The following IARS1 variants were observed in gnomAD, a reference collection of about 807,000 sequenced individuals.
The protein encoded by IARS1 is isoleucine--tRNA ligase, cytoplasmic.
In IARS1, 124 loss-of-function variants were observed where a neutral mutation model predicts 168.2. The ratio of observed to expected loss-of-function variants is 0.74; its 90% CI spans 0.64 to 0.86. The LOEUF (loss-of-function observed/expected upper bound fraction) is 0.86. IARS1 is among the 40% of genes least tolerant of loss of function. IARS1 has a pLI of 0.00. For synonymous variants in IARS1, 532 were observed against 529.4 expected, an observed-to-expected ratio of 1.00 and a Z score of -0.07; for missense variants, 1,452 against 1,515.8, an observed-to-expected ratio of 0.96 and a Z score of 0.70.
At chr9:92,212,641 G>C (rs780138498) in intron 33 of IARS1, among the ~76,000 whole-genome samples, 3 of 152,216 alleles carry the variant, frequency 2.0e-5, no homozygotes, top group Non-Finnish European at 4.4e-5. Flanking sequence ...TGAGGGACAA[G>C]AAGAGTTAAG....
At chr9:92,253,328 C>A (rs1587804746) in intron 21 of IARS1, 34 bp downstream of exon 21, 1 of 1,347,492 alleles carries the variant, frequency 7.4e-7, no homozygotes, top group East Asian at 2.3e-5. Flanking sequence ...ACTTCATACA[C>A]TTTTTGCTTT....
chr9:92,262,402 A>G lies in IARS1; in HGVS notation c.1787+567T>C, dbSNP rs187122553. ...CTATTTTAAAATATTTCATTTTAAA[A>G]TTTTCATTTATGTTTATTTTTATTC... On this transcript the variant is annotated intron_variant, in intron 17 of 33. Coordinates refer to ENST00000443024, the MANE Select transcript of IARS1 (RefSeq NM_002161.6). 3.9e-4 allele frequency among the ~76,000 whole-genome samples: 59 copies of G among 152,322 alleles called. No homozygotes were observed. The East Asian group carries it at 8.7e-3, about 22-fold the overall frequency.
chr9:92,270,602 C>T (rs1336239919), intron 12 of IARS1, among the ~76,000 whole-genome samples: 4 of 152,082 alleles, frequency 2.6e-5, no homozygotes, highest in African/African-American at 4.8e-5. Context: ...TGAGACCAGC[C>T]TGGACAACAT....
intron 22 of IARS1, 69 bp downstream of exon 22, chr9:92,251,739 G>T: frequency 9.9e-7 from 1 of 1,007,974 alleles, no homozygotes; most frequent in South Asian, 1.3e-5. Context: ...AATGGAGGAT[G>T]CTGCAGCAAG....
At chr9:92,217,795 C>G (rs1464805270) in intron 33 of IARS1, among the ~76,000 whole-genome samples, 1 of 151,974 alleles carries the variant, frequency 6.6e-6, no homozygotes, top group East Asian at 1.9e-4. Context: ...GCTTACCAAC[C>G]AAAAAGAGTC....
Position 92,280,855 on chromosome 9 carries a change from C to T in IARS1, c.636G>A (p.Leu212=). The change falls in exon 7 of 34, where the codon TTG becomes TTA. Residue 212 remains leucine (L), a synonymous_variant. Coordinates refer to ENST00000443024, the MANE Select transcript of IARS1 (RefSeq NM_002161.6). ...QDPSVFVTFP[L]EEDETVSLVA... ...CTAAAGATACAGTTTCATCTTCTTC[C>T]AAAGGGAAAGTTACAAATACTGAAG... is the stretch of plus-strand genomic sequence containing the variant. 1 of 1,611,102 alleles carries T rather than the reference C, an allele frequency of 6.2e-7. No individual in the cohort carries two copies. Among genetic ancestry groups the T allele is most frequent in the Non-Finnish European group, 8.5e-7 (1 of 1,177,664 alleles).
intron 9 of IARS1, among the ~76,000 whole-genome samples, chr9:92,276,084 A>AT (rs1168784519): frequency 1.3e-5 from 2 of 152,326 alleles, no homozygotes; most frequent in East Asian, 3.9e-4. Flanking sequence ...ATTTCAGATA[A>AT]TAAAAAAAAT....
chr9:92,287,997 T>G, intron 3 of IARS1, 87 bp from the exon 4 acceptor site: 1 of 1,552,746 alleles, frequency 6.4e-7, no homozygotes, highest in Non-Finnish European at 8.8e-7. Flanking sequence ...CAAATCAAAC[T>G]ACAAATATTA....
At chr9:92,211,790 T>A (rs550639968) in intron 33 of IARS1, among the ~76,000 whole-genome samples, 1 of 152,172 alleles carries the variant, frequency 6.6e-6, no homozygotes, top group South Asian at 2.1e-4. Flanking sequence ...ATTTTCTACG[T>A]CTGGAGAAGT....
chr9:92,260,559 G>A (rs1433699169), intron 17 of IARS1, among the ~76,000 whole-genome samples: 1 of 152,118 alleles, frequency 6.6e-6, no homozygotes, highest in Non-Finnish European at 1.5e-5. Context: ...GGAGGCTGAG[G>A]CAGGAGAATT....
chr9:92,241,700 CATAAGT>C (rs924432896), intron 29 of IARS1, among the ~76,000 whole-genome samples: 6 of 152,168 alleles, frequency 3.9e-5, no homozygotes, highest in Non-Finnish European at 5.9e-5. Flanking sequence ...ATCATACTTT[CATAAGT>C]ATATCTAAAA....
chr9:92,250,912 A>G (rs572821820), intron 22 of IARS1, 78 bp from the exon 23 acceptor site: 3 of 1,462,974 alleles, frequency 2.1e-6, no homozygotes, highest in East Asian at 2.3e-5. Context: ...AGAAACAACT[A>G]AACATGTTAG....
intron 33 of IARS1, among the ~76,000 whole-genome samples, chr9:92,216,259 G>A (rs1838667075): frequency 6.7e-6 from 1 of 149,214 alleles, no homozygotes; most frequent in Non-Finnish European, 1.5e-5. Context: ...CCCTAAAAGA[G>A]CTCCTGAAGG....
At chr9:92,235,023 G>A (rs1827278120) in intron 30 of IARS1, among the ~76,000 whole-genome samples, 1 of 151,898 alleles carries the variant, frequency 6.6e-6, no homozygotes, top group South Asian at 2.1e-4. Context: ...ATATTTTTTC[G>A]ACAGGGTTTC....
intron 17 of IARS1, among the ~76,000 whole-genome samples, chr9:92,260,945 A>G (rs921510881): frequency 2.6e-5 from 4 of 152,180 alleles, no homozygotes; most frequent in African/African-American, 9.6e-5. Flanking sequence ...ACAGAATGCT[A>G]TTTATCCATG....
At chr9:92,286,755 T>A in intron 4 of IARS1, 137 bp from the exon 5 acceptor site, 3 of 531,674 alleles carry the variant, frequency 5.6e-6, no homozygotes, top group Non-Finnish European at 1.0e-5. Context: ...AAATCTATAC[T>A]GCCAACAACA....
intron 30 of IARS1, among the ~76,000 whole-genome samples, chr9:92,232,583 TGTA>T (rs1308043001): frequency 2.6e-5 from 4 of 152,178 alleles, no homozygotes; most frequent in African/African-American, 7.2e-5. Context: ...ATGAGAAAGT[TGTA>T]GTAGGTTTGT....
chr9:92,261,942 G>A lies in IARS1; in HGVS notation c.1787+1027C>T, dbSNP rs1165811258. ...TTTTGTATTTTTAGTAGAGACGGGG[G>A]TTTTATCAAGTTGGCCAGGCTGGTC... On this transcript the variant is annotated intron_variant, in intron 17 of 33. Transcript: ENST00000443024. 3.9e-5 allele frequency among the ~76,000 whole-genome samples: 6 copies of A among 151,944 alleles called. No homozygotes were observed. The South Asian group carries it at 1.0e-3, about 26-fold the overall frequency.
intron 33 of IARS1, among the ~76,000 whole-genome samples, chr9:92,216,050 C>T (rs1838624295): frequency 1.3e-5 from 2 of 151,440 alleles, no homozygotes; most frequent in South Asian, 4.2e-4. Context: ...CAAAGGGAAG[C>T]CCATCAGACT....
Sources: gnomAD v4.1 joint callset for allele counts (sites outside exome capture counted in the v4.1 genomes callset) on GRCh38, gnomAD v4.1.1 for gene constraint, MANE v1.5 for transcripts, NCBI Gene and HGNC (gene_info 2026-07-23, HGNC 2026-07-21) for gene names.